Variants in FBLN1 observed in about 807,000 individuals in gnomAD.
FBLN1 encodes the protein fibulin-1.
Under a neutral mutation model 89.7 loss-of-function variants are expected in FBLN1, and 34 were observed. The observed-to-expected ratio is 0.38, with a 90% CI of 0.29 to 0.50. FBLN1 has a LOEUF of 0.50. Ranked by LOEUF, FBLN1 falls within the 20% of genes least tolerant of loss-of-function variation. The pLI is 0.92. For missense variants in FBLN1, 777 were observed against 988.1 expected, an observed-to-expected ratio of 0.79 and a Z score of 2.86; for synonymous variants, 393 against 391.3, an observed-to-expected ratio of 1.00 and a Z score of -0.05.
At chr22:45,551,946 CCTGCACAGGGG>C (rs1421225115) in intron 14 of FBLN1, among the ~76,000 whole-genome samples, 1 of 152,248 alleles carries the variant, frequency 6.6e-6, no homozygotes, top group African/African-American at 2.4e-5. Context: ...GGGAGGCTGC[CCTGCACAGGGG>C]CCCTGGCGCC....
In FBLN1 at chr22:45,597,894, G is replaced by C. The variant is rs148145990; in HGVS notation, c.1973-2413G>C. 2.2e-4 allele frequency among the ~76,000 whole-genome samples: 34 copies of C among 152,236 alleles called. 1 individual carries two copies. The East Asian group carries it at 2.9e-3, about 13-fold the overall frequency. On this transcript the variant is annotated intron_variant, in intron 16 of 16. Coordinates refer to ENST00000327858, the MANE Select transcript of FBLN1 (RefSeq NM_006486.3). The surrounding 1 kb of genome is among the most constrained non-coding windows in gnomAD (Gnocchi z 4.2). Reference sequence around the variant, plus strand: ...GAAACATAAGCCCAGAGAGCGAAAGGGGGGAACGTTGTGCCCAGATTCTCT... The same window carrying C: ...GAAACATAAGCCCAGAGAGCGAAAGCGGGGAACGTTGTGCCCAGATTCTCT...
intron 6 of FBLN1, 151 bp from the exon 7 acceptor site, chr22:45,533,610 C>A: frequency 1.2e-6 from 1 of 850,624 alleles, no homozygotes; most frequent in Non-Finnish European, 2.0e-6. Flanking sequence ...CCGTGCAGTC[C>A]ACAGCCCGGA....
At chr22:45,595,570 T>G (rs1015798109) in intron 16 of FBLN1, among the ~76,000 whole-genome samples, 4 of 55,010 alleles carry the variant, frequency 7.3e-5, no homozygotes, top group Non-Finnish European at 1.9e-4. Context: ...AGCTTGGAGC[T>G]CTGGTCTTCA....
rs2089006382 is a variant in FBLN1 at position 45,577,308 on chromosome 22, G to C, written c.1972+200G>C. ...AGCCAGAGTGGGGGATCCTGCCTGG[G>C]ATCTGACCCTAGCTGTGCCACCCAC... On this transcript the variant is annotated intron_variant, in intron 16 of 16. Coordinates refer to ENST00000327858, the MANE Select transcript of FBLN1 (RefSeq NM_006486.3). The surrounding 1 kb of genome is among the most constrained non-coding windows in gnomAD (Gnocchi z 6.6). Among the ~76,000 whole-genome samples, 1 of 152,144 alleles carries C rather than the reference G, an allele frequency of 6.6e-6. No homozygotes were observed. Among genetic ancestry groups the C allele is most frequent in the Non-Finnish European group, 1.5e-5 (1 of 68,028 alleles).
At chr22:45,599,543 G>A (rs1184284725) in intron 16 of FBLN1, among the ~76,000 whole-genome samples, 1 of 152,058 alleles carries the variant, frequency 6.6e-6, no homozygotes. Context: ...GTCAGAACTG[G>A]GCACAGGGGG....
rs140962602 is a variant in FBLN1 at position 45,525,131 on chromosome 22, CAGAG to C, written c.186-408_186-405del. 4.5e-5 allele frequency among the ~76,000 whole-genome samples: 6 copies of C among 134,032 alleles called. No individual in the cohort carries two copies. The South Asian group carries it at 7.0e-4, about 16-fold the overall frequency. 87.9% of individuals were successfully genotyped at this position (134,032 alleles called of 152,430 possible). A position where few individuals can be genotyped will look rare whatever the true frequency, so the allele number is the denominator to read the frequency against. The stretch of plus-strand genomic sequence containing the variant: ...AGAGAGAGAGAGAGAGAAAGAAAAA[CAGAG>C]AGAAAGAAAGAAAGAGGAAGAGAAG... On this transcript the variant is annotated intron_variant, in intron 2 of 16. Transcript: ENST00000327858.
At chr22:45,592,810 T>C (rs767412979) in intron 16 of FBLN1, among the ~76,000 whole-genome samples, 3 of 152,222 alleles carry the variant, frequency 2.0e-5, no homozygotes, top group Non-Finnish European at 2.9e-5. Context: ...CTGGCCTCTC[T>C]GTTTCAGCAC....
At position 45,535,325 on chromosome 22, in the gene FBLN1, GGCAACT is replaced by G; in HGVS notation, c.912_917del (p.Asn305_Cys306del). 1.2e-6 allele frequency: 2 copies of G among 1,614,222 alleles called. No individual in the cohort carries two copies. Among genetic ancestry groups the G allele is most frequent in the Non-Finnish European group, 1.7e-6 (2 of 1,180,030 alleles). Reference sequence around the variant, plus strand: ...GAGTGGCTTTATACAAGATGCTCTAGGCAACTGTATTGGTAAGAGGTGTGCCGCCAG... The same window carrying G: ...GAGTGGCTTTATACAAGATGCTCTAGGTATTGGTAAGAGGTGTGCCGCCAG... On this transcript the variant is annotated inframe_deletion, in exon 8 of 17. Coordinates refer to ENST00000327858, the MANE Select transcript of FBLN1 (RefSeq NM_006486.3).
At chr22:45,541,462 C>A in intron 9 of FBLN1, 90 bp downstream of exon 9, 2 of 1,511,346 alleles carry the variant, frequency 1.3e-6, no homozygotes, top group South Asian at 1.2e-5. Context: ...AGTTGATCCC[C>A]AAAGCAAAGC....
chr22:45,538,073 C>A lies in FBLN1; in HGVS notation c.922+2736C>A, dbSNP rs140035147. On this transcript the variant is annotated intron_variant, in intron 8 of 16. Transcript: ENST00000327858. ...GTATGGGCTGAGGCTCGGGAGCCGT[C>A]CCCTTACTGTCCTTCCAGGACTGGC... is the stretch of plus-strand genomic sequence containing the variant. Among the ~76,000 whole-genome samples the A allele has an allele frequency of 2.0e-4, 31 of 152,316 alleles. No individual in the cohort carries two copies. The East Asian group carries it at 5.8e-3, about 28-fold the overall frequency.
chr22:45,513,493 CG>C (rs2088128981), intron 1 of FBLN1, among the ~76,000 whole-genome samples: 1 of 151,922 alleles, frequency 6.6e-6, no homozygotes, highest in Non-Finnish European at 1.5e-5. Context: ...GGATTACAGG[CG>C]TGAGCCACTG....
In FBLN1 at chr22:45,600,725, C is replaced by T. The variant is rs964120267; in HGVS notation, c.*279C>T. On this transcript the variant is annotated 3_prime_UTR_variant, in exon 17 of 17. Coordinates refer to ENST00000327858, the MANE Select transcript of FBLN1 (RefSeq NM_006486.3). ...CCCCTTTCTCTGCCTCTGGCTGGGC[C>T]TTGCTAAGGGCCAAGGAAAGAAAGA... is the stretch of plus-strand genomic sequence containing the variant. 5.9e-5 allele frequency: 29 copies of T among 488,416 alleles called. No individual in the cohort carries two copies. The highest frequency in any genetic ancestry group is 5.6e-4 in the African/African-American group (29 of 51,394). 30.3% of individuals were successfully genotyped at this position (488,416 alleles called of 1,614,324 possible). A position where few individuals can be genotyped will look rare whatever the true frequency, so the allele number is the denominator to read the frequency against.
chr22:45,590,704 G>A lies in FBLN1; in HGVS notation c.1973-9603G>A, dbSNP rs146730221. ...GAGAGTCTGGAGACCTTTAGGAATAGAATCCATTGGCCTCAGTGATGGTTT... is the reference window on the plus strand; with the variant it reads ...GAGAGTCTGGAGACCTTTAGGAATAAAATCCATTGGCCTCAGTGATGGTTT... On this transcript the variant is annotated intron_variant, in intron 16 of 16. Coordinates refer to ENST00000327858, the MANE Select transcript of FBLN1 (RefSeq NM_006486.3). This position sits in a 1 kb window ranked among gnomAD's most constrained non-coding sequence, Gnocchi z 4.1. 6.6e-6 allele frequency among the ~76,000 whole-genome samples: 1 copy of A among 152,280 alleles called. No homozygotes were observed. Among genetic ancestry groups the A allele is most frequent in the African/African-American group, 2.4e-5 (1 of 41,564 alleles).
intron 1 of FBLN1, among the ~76,000 whole-genome samples, chr22:45,516,225 C>T (rs2088168062): frequency 6.6e-6 from 1 of 150,934 alleles, no homozygotes; most frequent in African/African-American, 2.4e-5. Context: ...GTGGGCCTGG[C>T]CAGAGAAGGG....
At position 45,590,349 on chromosome 22, in the gene FBLN1, A is replaced by G. The variant is rs553162305; in HGVS notation, c.1973-9958A>G. Among the ~76,000 whole-genome samples, 1 of 152,342 alleles carries G rather than the reference A, an allele frequency of 6.6e-6. No individual in the cohort carries two copies. Among genetic ancestry groups the G allele is most frequent in the South Asian group, 2.1e-4 (1 of 4,826 alleles). ...CCCACGTCTTTGAGTGAAGTTGGCA[A>G]GACTTGAACTCGTCCTGCCCTTCGT... On this transcript the variant is annotated intron_variant, in intron 16 of 16. Transcript: ENST00000327858. The surrounding 1 kb of genome is among the most constrained non-coding windows in gnomAD (Gnocchi z 4.1).
chr22:45,519,484 C>T (rs149299048), intron 2 of FBLN1, among the ~76,000 whole-genome samples: 2,636 of 151,778 alleles, frequency 0.017, 22 homozygotes, highest in Non-Finnish European at 0.027. Context: ...ATTAGCTGGG[C>T]GTGGTGGCAT....
chr22:45,539,177 G>A (rs932879629), intron 8 of FBLN1, among the ~76,000 whole-genome samples: 2 of 85,948 alleles, frequency 2.3e-5, no homozygotes, highest in South Asian at 5.5e-4. Context: ...CTCCCTCCCC[G>A]CCTCCCCCTT....
chr22:45,577,004 C>T lies in FBLN1; in HGVS notation c.1868C>T (p.Pro623Leu). Reference protein sequence around the residue: ...EEIIFLRAITPPHPASQANII... With the variant: ...EEIIFLRAITLPHPASQANII... ...ATCATCTTCCTCCGGGCCATCACGC[C>T]ACCGCATCCTGCCAGCCAGGCTAAC... Residue 623 changes from proline to leucine, a missense_variant, in exon 16 of 17, where the codon CCA becomes CTA. Coordinates refer to ENST00000327858, the MANE Select transcript of FBLN1 (RefSeq NM_006486.3). This position sits in a 1 kb window ranked among gnomAD's most constrained non-coding sequence, Gnocchi z 6.6. 2 of 1,614,112 alleles carry T rather than the reference C, an allele frequency of 1.2e-6. No homozygotes were observed. Among genetic ancestry groups the T allele is most frequent in the Non-Finnish European group, 8.5e-7 (1 of 1,180,038 alleles).
chr22:45,564,816 C>T, intron 14 of FBLN1: 2 of 1,595,574 alleles, frequency 1.3e-6, no homozygotes, highest in Non-Finnish European at 1.7e-6. Context: ...GAACAGATGA[C>T]TCTGCCAGCC....
Sources: gnomAD v4.1 joint callset for allele counts (sites outside exome capture counted in the v4.1 genomes callset) on GRCh38, gnomAD v4.1.1 for gene constraint, Gnocchi (gnomAD v3.1) non-coding constraint, MANE v1.5 for transcripts, NCBI Gene and HGNC (gene_info 2026-07-23, HGNC 2026-07-21) for gene names.